KIFAP3: variants seen among roughly 807,000 people sequenced by gnomAD.
The protein encoded by KIFAP3 is kinesin associated protein 3, also known as kinesin-associated protein 3.
KIFAP3 carries 68 observed loss-of-function variants against 106.5 expected under a neutral mutation model. The ratio of observed to expected loss-of-function variants is 0.64; its 90% CI spans 0.53 to 0.78. The LOEUF (loss-of-function observed/expected upper bound fraction) is 0.78, where lower values mean the gene tolerates loss of function less well. KIFAP3 is among the 30% of genes least tolerant of loss of function. KIFAP3 has a pLI of 0.00. For missense variants in KIFAP3, 780 were observed against 941.8 expected (o/e 0.83, Z 2.25); for synonymous variants, 320 against 311.5 (o/e 1.03, Z -0.29).
At chr1:169,936,809 T>C (rs1279243088) in intron 19 of KIFAP3, among the ~76,000 whole-genome samples, 1 of 151,628 alleles carries the variant, frequency 6.6e-6, no homozygotes, top group East Asian at 1.9e-4. Context: ...TCATTAATTC[T>C]GTTTCCTCTT....
intron 19 of KIFAP3, among the ~76,000 whole-genome samples, chr1:169,928,848 G>C (rs1375848820): frequency 1.3e-5 from 2 of 151,972 alleles, no homozygotes; most frequent in Non-Finnish European, 2.9e-5. Flanking sequence ...ATGGGGATAT[G>C]CTTCATCAAA....
At chr1:169,925,735 A>C (rs907163295) in intron 19 of KIFAP3, among the ~76,000 whole-genome samples, 7 of 152,098 alleles carry the variant, frequency 4.6e-5, no homozygotes, top group African/African-American at 1.4e-4. Flanking sequence ...GCTCTTATTA[A>C]ATTTCTGGGC....
At chr1:170,074,379 A>G in intron 1 of KIFAP3, 57 bp downstream of exon 1, 1 of 1,599,240 alleles carries the variant, frequency 6.3e-7, no homozygotes, top group Non-Finnish European at 8.6e-7. Flanking sequence ...AGCCAACCCA[A>G]GAACATCTTC....
rs749371646 is a variant in KIFAP3, at chr1:170,016,507, T to C, written c.1138A>G (p.Lys380Glu). Reference sequence around the variant, plus strand: ...GGAAGCAGTCCAACTTGTACCATCTTATTCCTCAGTCCTGTGTCAAAGGAT... The same window carrying C: ...GGAAGCAGTCCAACTTGTACCATCTCATTCCTCAGTCCTGTGTCAAAGGAT... ...NLSFDTGLRN[K>E]MVQVGLLPKL... The change falls in exon 10 of 20, where the codon AAG becomes GAG. Residue 380 changes from lysine (K) to glutamate (E), a missense_variant. By Grantham distance (56) the Lys-to-Glu change is moderately conservative. Coordinates refer to ENST00000361580, the MANE Select transcript of KIFAP3 (RefSeq NM_014970.4). 14 of 1,609,052 alleles carry C rather than the reference T, an allele frequency of 8.7e-6. No individual in the cohort carries two copies. The highest frequency in any genetic ancestry group is 9.3e-6 in the Non-Finnish European group (11 of 1,178,042).
At chr1:169,926,593 T>TAA (rs910480978) in intron 19 of KIFAP3, among the ~76,000 whole-genome samples, 5 of 152,012 alleles carry the variant, frequency 3.3e-5, no homozygotes, top group African/African-American at 9.7e-5. Flanking sequence ...TATATATATA[T>TAA]AACATTGAGT....
chr1:170,062,643 A>T lies in KIFAP3; in HGVS notation c.33-7207T>A, dbSNP rs183674724. 9.9e-5 allele frequency among the ~76,000 whole-genome samples: 15 copies of T among 152,282 alleles called. No homozygotes were observed. The East Asian group carries it at 2.9e-3, about 29-fold the overall frequency. ...GGGATAAATTTTAACTTTTTTCCAT[A>T]GAAACAACCAATTGTATGAGCAGGT... is the stretch of plus-strand genomic sequence containing the variant. On this transcript the variant is annotated intron_variant, in intron 1 of 19. Transcript: ENST00000361580.
chr1:170,065,439 C>A (rs1401469821), intron 1 of KIFAP3, among the ~76,000 whole-genome samples: 1 of 151,700 alleles, frequency 6.6e-6, no homozygotes, highest in African/African-American at 2.4e-5. Flanking sequence ...TGGTGAAACC[C>A]TGTCTCTACT....
At chr1:170,069,889 T>A (rs1322037811) in intron 1 of KIFAP3, among the ~76,000 whole-genome samples, 1 of 151,990 alleles carries the variant, frequency 6.6e-6, no homozygotes, top group Middle Eastern at 3.2e-3. Flanking sequence ...ATTATTTCTA[T>A]CTGCAGAAGA....
intron 11 of KIFAP3, 81 bp from the exon 12 acceptor site, chr1:169,984,771 G>A (rs1342291425): frequency 2.8e-6 from 2 of 709,914 alleles, no homozygotes; most frequent in East Asian, 2.6e-5. Context: ...TTATCATAAT[G>A]TGTTATCTTA....
At chr1:170,084,481 T>C (rs1334046872) in intron 1 of KIFAP3, among the ~76,000 whole-genome samples, 1 of 152,178 alleles carries the variant, frequency 6.6e-6, no homozygotes, top group Non-Finnish European at 1.5e-5. Flanking sequence ...CAAATAATTA[T>C]TGACTATATT....
chr1:169,970,577 A>C (rs1665869799), intron 17 of KIFAP3, among the ~76,000 whole-genome samples: 1 of 152,090 alleles, frequency 6.6e-6, no homozygotes, highest in Non-Finnish European at 1.5e-5. Flanking sequence ...TTTAAGCTAC[A>C]AATATTCCCA....
intron 1 of KIFAP3, among the ~76,000 whole-genome samples, chr1:170,073,571 G>A (rs149667949): frequency 3.9e-5 from 6 of 152,252 alleles, no homozygotes; most frequent in Non-Finnish European, 8.8e-5. Flanking sequence ...AGAAGGTAAC[G>A]CCTGTCCCAT....
chr1:170,070,922 A>G (rs1671677965), intron 1 of KIFAP3, among the ~76,000 whole-genome samples: 1 of 152,222 alleles, frequency 6.6e-6, no homozygotes, highest in Admixed American at 6.5e-5. Flanking sequence ...GTATCTGACA[A>G]GGTTCTATTA....
chr1:169,929,234 T>C lies in KIFAP3; in HGVS notation c.2274-7453A>G, dbSNP rs968143015. 2.6e-5 allele frequency among the ~76,000 whole-genome samples: 4 copies of C among 152,214 alleles called. No homozygotes were observed. The East Asian group carries it at 7.7e-4, about 29-fold the overall frequency. On this transcript the variant is annotated intron_variant, in intron 19 of 19. Coordinates refer to ENST00000361580, the MANE Select transcript of KIFAP3 (RefSeq NM_014970.4). ...CCATTGCTGTCGCAGATAATTAATG[T>C]CCAGTTTTATGATTATGAAATAATT...
At chr1:169,964,768 A>G (rs1391103869) in intron 17 of KIFAP3, among the ~76,000 whole-genome samples, 1 of 152,222 alleles carries the variant, frequency 6.6e-6, no homozygotes, top group Non-Finnish European at 1.5e-5. Flanking sequence ...TCATTATGTA[A>G]TATAGGCATA....
intron 11 of KIFAP3, among the ~76,000 whole-genome samples, chr1:169,988,585 T>C (rs557135813): frequency 1.3e-5 from 2 of 152,114 alleles, no homozygotes; most frequent in Non-Finnish European, 2.9e-5. Flanking sequence ...AACTCATGAA[T>C]GAGTTTAAAG....
At chr1:170,082,038 T>G (rs1007801888) in intron 1 of KIFAP3, among the ~76,000 whole-genome samples, 2 of 152,224 alleles carry the variant, frequency 1.3e-5, no homozygotes, top group African/African-American at 2.4e-5. Flanking sequence ...TATAGTTTCT[T>G]CAACAGTTAA....
At chr1:170,057,242 T>C (rs953199808) in intron 1 of KIFAP3, among the ~76,000 whole-genome samples, 3 of 152,086 alleles carry the variant, frequency 2.0e-5, no homozygotes, top group African/African-American at 7.2e-5. Context: ...GTCTTTCACA[T>C]ATTGGCAGCT....
intron 15 of KIFAP3, 146 bp downstream of exon 15, chr1:169,981,826 T>A (rs894854799): frequency 3.3e-5 from 21 of 637,568 alleles, no homozygotes; most frequent in Non-Finnish European, 5.3e-5. Flanking sequence ...GCAGTATATT[T>A]AATTCATTTT....
Sources: allele counts gnomAD v4.1 joint callset (sites outside exome capture counted in the v4.1 genomes callset), GRCh38; gene constraint gnomAD v4.1.1; transcripts MANE v1.5; gene names NCBI Gene and HGNC (gene_info 2026-07-23, HGNC 2026-07-21).